The following IL33 variants were observed in gnomAD, a reference collection of about 807,000 sequenced individuals.
IL33 encodes the protein interleukin 33, also known as interleukin-33.
A neutral mutation model predicts 27.3 loss-of-function variants in IL33; 37 were observed. That is an observed-to-expected ratio of 1.36 (90% CI 1.04 to 1.78). IL33 has a LOEUF of 1.78. Among genes scored for constraint, IL33 ranks in the 40% most tolerant of loss-of-function variants. The pLI is 0.00. For missense variants in IL33, 406 were observed against 311.4 expected (o/e 1.30, Z -2.29); for synonymous variants, 132 against 102.9 (o/e 1.28, Z -1.71).
intron 2 of IL33, among the ~76,000 whole-genome samples, chr9:6,243,300 A>T (rs138485568): frequency 3.8e-4 from 58 of 152,338 alleles, no homozygotes; most frequent in African/African-American, 1.3e-3. Flanking sequence ...AAAGGGCTGT[A>T]TAACTCTTTG....
At chr9:6,220,211 C>G (rs1392572184) in intron 1 of IL33, among the ~76,000 whole-genome samples, 1 of 152,310 alleles carries the variant, frequency 6.6e-6, no homozygotes, top group Non-Finnish European at 1.5e-5. Flanking sequence ...GAGCGCTTTA[C>G]TTTTAATCAG....
intron 5 of IL33, 138 bp downstream of exon 5, chr9:6,253,129 T>C: frequency 1.7e-6 from 1 of 583,308 alleles, no homozygotes; most frequent in Middle Eastern, 4.7e-4. Flanking sequence ...CTCTAATGCA[T>C]TGGCAGTGGG....
intron 2 of IL33, among the ~76,000 whole-genome samples, chr9:6,247,383 TAAG>T (rs1819924930): frequency 6.6e-6 from 1 of 152,092 alleles, no homozygotes; most frequent in Non-Finnish European, 1.5e-5. Context: ...AGTAAGCAGT[TAAG>T]AAGACACCTT....
Position 6,257,234 on chromosome 9 carries a change from C to A in IL33, c.*1066C>A, listed in dbSNP as rs980993044. On this transcript the variant is annotated 3_prime_UTR_variant, in exon 8 of 8. Coordinates refer to ENST00000682010, the MANE Select transcript of IL33 (RefSeq NM_033439.4). ...CACATTGGGCAAAGTTGCTTCTAATCCTTATTTCCCATGTGCACAAGTCTT... is the reference window on the plus strand; with the variant it reads ...CACATTGGGCAAAGTTGCTTCTAATACTTATTTCCCATGTGCACAAGTCTT... 1 of 152,180 alleles carries A rather than the reference C, an allele frequency of 6.6e-6. No homozygotes were observed. The highest frequency in any genetic ancestry group is 1.5e-5 in the Non-Finnish European group (1 of 68,030). 9.4% of individuals were successfully genotyped at this position (152,180 alleles called of 1,614,324 possible). A position where few individuals can be genotyped will look rare whatever the true frequency, so the allele number is the denominator to read the frequency against.
At chr9:6,224,297 T>C (rs927531192) in intron 1 of IL33, among the ~76,000 whole-genome samples, 1 of 152,188 alleles carries the variant, frequency 6.6e-6, no homozygotes, top group African/African-American at 2.4e-5. Context: ...CTGGAATTAA[T>C]ATCTTATTAA....
chr9:6,230,389 G>C (rs955003406), intron 1 of IL33, among the ~76,000 whole-genome samples: 1 of 152,104 alleles, frequency 6.6e-6, no homozygotes, highest in Admixed American at 6.6e-5. Flanking sequence ...GTGGAGGGTA[G>C]GGGACAGGAA....
At chr9:6,254,298 C>A (rs1414931138) in intron 6 of IL33, among the ~76,000 whole-genome samples, 164 bp from the exon 7 acceptor site, 1 of 152,188 alleles carries the variant, frequency 6.6e-6, no homozygotes, top group African/African-American at 2.4e-5. Context: ...CTCTACTTAT[C>A]AGTGCCTCTT....
At chr9:6,217,439 G>T (rs1384691641) in intron 1 of IL33, among the ~76,000 whole-genome samples, 1 of 152,132 alleles carries the variant, frequency 6.6e-6, no homozygotes, top group African/African-American at 2.4e-5. Flanking sequence ...CCCAAAGTTA[G>T]CTTGGCCCAA....
intron 2 of IL33, among the ~76,000 whole-genome samples, chr9:6,246,336 G>T (rs1052793029): frequency 6.6e-6 from 1 of 152,004 alleles, no homozygotes; most frequent in Non-Finnish European, 1.5e-5. Flanking sequence ...GGCCAAGGTG[G>T]GTGGATCACG....
In IL33 at chr9:6,252,918, A is replaced by G. The variant is rs1006965819; in HGVS notation, c.396A>G (p.Gln132=). 3.4e-5 allele frequency: 54 copies of G among 1,605,284 alleles called. 2 individuals carry two copies. The highest frequency in any genetic ancestry group is 3.3e-4 in the South Asian group (30 of 90,234). ...YLASLSTYND[Q]SITFALEDES... is the part of the protein sequence containing the mutation. ...CTTCTCTAAGCACATACAATGATCA[A>G]TCCATTACTTTTGCTTTGGAGGATG... Residue 132 remains glutamine (Q), a synonymous_variant, in exon 5 of 8, where the codon CAA becomes CAG. Transcript: ENST00000682010.
intron 2 of IL33, among the ~76,000 whole-genome samples, chr9:6,245,992 G>A (rs1371917024): frequency 7.0e-6 from 1 of 142,082 alleles, no homozygotes; most frequent in Non-Finnish European, 1.5e-5. Context: ...GAACTCGGGA[G>A]GCAGAGCTTG....
At chr9:6,245,679 A>T (rs1458385753) in intron 2 of IL33, among the ~76,000 whole-genome samples, 1 of 152,188 alleles carries the variant, frequency 6.6e-6, no homozygotes, top group African/African-American at 2.4e-5. Flanking sequence ...TATATTCAGA[A>T]GGTGAAATCA....
At chr9:6,248,202 A>ACAG (rs1010068000) in intron 2 of IL33, among the ~76,000 whole-genome samples, 1 of 151,536 alleles carries the variant, frequency 6.6e-6, no homozygotes, top group African/African-American at 2.4e-5. Context: ...CACCATTGTA[A>ACAG]CAGTGTTGAG....
chr9:6,230,111 G>A (rs149575162), intron 1 of IL33, among the ~76,000 whole-genome samples: 3 of 152,270 alleles, frequency 2.0e-5, no homozygotes, highest in African/African-American at 7.2e-5. Flanking sequence ...GGCAGGTAGT[G>A]CCAATGTATA....
intron 1 of IL33, among the ~76,000 whole-genome samples, chr9:6,218,241 A>ACTTTG (rs1818233675): frequency 1.3e-5 from 2 of 152,120 alleles, no homozygotes; most frequent in African/African-American, 4.8e-5. Flanking sequence ...GTTACTTCAT[A>ACTTTG]ATTGATTTCT....
intron 1 of IL33, among the ~76,000 whole-genome samples, chr9:6,226,384 A>G (rs545666856): frequency 6.6e-6 from 1 of 152,134 alleles, no homozygotes; most frequent in South Asian, 2.1e-4. Context: ...TCTTTCAACA[A>G]TTCTGGAATG....
chr9:6,243,864 C>T (rs1421993737), intron 2 of IL33, among the ~76,000 whole-genome samples: 1 of 152,162 alleles, frequency 6.6e-6, no homozygotes, highest in Non-Finnish European at 1.5e-5. Flanking sequence ...CTGTCTCATT[C>T]TGTCTTCCCT....
At chr9:6,221,957 A>C (rs1564047341) in intron 1 of IL33, among the ~76,000 whole-genome samples, 1 of 152,220 alleles carries the variant, frequency 6.6e-6, no homozygotes, top group Non-Finnish European at 1.5e-5. Flanking sequence ...GGCTGAGCCA[A>C]CTAAGAATTC....
At chr9:6,245,268 A>G (rs12348054) in intron 2 of IL33, among the ~76,000 whole-genome samples, 8,192 of 152,264 alleles carry the variant, frequency 0.054, 715 homozygotes, top group African/African-American at 0.18. Flanking sequence ...AAAATAGGAT[A>G]TTTTTAATGA....
Sources: gnomAD v4.1 joint callset for allele counts (sites outside exome capture counted in the v4.1 genomes callset) on GRCh38, gnomAD v4.1.1 for gene constraint, MANE v1.5 for transcripts, NCBI Gene and HGNC (gene_info 2026-07-23, HGNC 2026-07-21) for gene names.